Variants in PCDHB3 observed in about 807,000 individuals in gnomAD.
The protein encoded by PCDHB3 is protocadherin beta 3.
For synonymous variants in PCDHB3, 479 were observed against 456.0 expected (o/e 1.05, Z -0.64); for missense variants, 967 against 1,012.1 (o/e 0.96, Z 0.60).
chr5:141,102,122 G>A lies in PCDHB3; in HGVS notation c.1473G>A (p.Leu491=), dbSNP rs782198092. Residue 491 remains leucine, a synonymous_variant, in exon 1 of 1, where the codon CTG becomes CTA. Coordinates refer to ENST00000231130, the MANE Select transcript of PCDHB3 (RefSeq NM_018937.5). ...GTNAQVTYSL[L]PPQDPHLPLS... The stretch of plus-strand genomic sequence containing the variant: ...ACGCCCAGGTAACCTACTCGCTGCT[G>A]CCGCCCCAGGACCCGCACCTGCCCC... The A allele has an allele frequency of 6.2e-7, 1 of 1,612,894 alleles. No homozygotes were observed. The highest frequency in any genetic ancestry group is 8.5e-7 in the Non-Finnish European group (1 of 1,180,032).
rs1751930801 is a variant in PCDHB3, at chr5:141,101,213, A to G, written c.564A>G (p.Gly188=). The change falls in exon 1 of 1, where the codon GGA becomes GGG. Residue 188 remains glycine (G), a synonymous_variant. Coordinates refer to ENST00000231130, the MANE Select transcript of PCDHB3 (RefSeq NM_018937.5). ...FHVLTRSRRD[G]RKYPELVLDK... is the part of the protein sequence containing the mutation. ...TACTCACTCGCAGTCGTAGGGACGG[A>G]AGGAAGTACCCGGAACTAGTACTGG... 6.8e-6 allele frequency: 11 copies of G among 1,614,188 alleles called. No individual in the cohort carries two copies. Among genetic ancestry groups the G allele is most frequent in the South Asian group, 1.1e-5 (1 of 91,084 alleles).
In PCDHB3 at chr5:141,101,867, A is replaced by T; in HGVS notation, c.1218A>T (p.Glu406Asp). ...AGAATTTTTACACCCTAGTGTCAGA[A>T]GGCGCGCTGGACAGAGAGACCAGAT... ...SVENFYTLVSEGALDRETRSE... is the reference protein window; with the variant it reads ...SVENFYTLVSDGALDRETRSE... Residue 406 changes from glutamate (E) to aspartate (D), a missense_variant, in exon 1 of 1, where the codon GAA (glutamate) becomes GAT (aspartate). Coordinates refer to ENST00000231130, the MANE Select transcript of PCDHB3 (RefSeq NM_018937.5). The T allele has an allele frequency of 6.2e-7, 1 of 1,614,028 alleles. No homozygotes were observed. The highest frequency in any genetic ancestry group is 8.5e-7 in the Non-Finnish European group (1 of 1,180,002).
Position 141,103,119 on chromosome 5 carries a change from G to A in PCDHB3, c.*79G>A, listed in dbSNP as rs1554272751. ...TTTTACTGCTTTGTCCATTGGAGAG[G>A]TCTTTTTTGGTCTGGTTCAAGGCAA... On this transcript the variant is annotated 3_prime_UTR_variant, in exon 1 of 1. Transcript: ENST00000231130. 2 of 1,496,016 alleles carry A rather than the reference G, an allele frequency of 1.3e-6. No homozygotes were observed. Among genetic ancestry groups the A allele is most frequent in the African/African-American group, 2.8e-5 (2 of 71,228 alleles). The allele number at this position is 1,496,016 out of a possible 1,614,324, so 92.7% of individuals were successfully genotyped here.
In PCDHB3 at chr5:141,102,089, A is replaced by G. The variant is rs781886254; in HGVS notation, c.1440A>G (p.Ser480=). 74 of 1,612,758 alleles carry G rather than the reference A, an allele frequency of 4.6e-5. No homozygotes were observed. Among genetic ancestry groups the G allele is most frequent in the African/African-American group, 2.3e-4 (17 of 74,876 alleles). ...GTGTCAGCGCCACAGACAGAGACTC[A>G]GGCACCAACGCCCAGGTAACCTACT... ...IGSVSATDRD[S]GTNAQVTYSL... is the part of the protein sequence containing the mutation. Residue 480 remains serine (S), a synonymous_variant, in exon 1 of 1, where the codon TCA becomes TCG. Transcript: ENST00000231130.
At position 141,101,241 on chromosome 5, in the gene PCDHB3, A is replaced by G. The variant is rs1554272230; in HGVS notation, c.592A>G (p.Lys198Glu). 1 of 1,614,182 alleles carries G rather than the reference A, an allele frequency of 6.2e-7. No individual in the cohort carries two copies. The highest frequency in any genetic ancestry group is 1.3e-5 in the African/African-American group (1 of 75,056). Residue 198 changes from lysine to glutamate, a missense_variant, in exon 1 of 1, where the codon AAA (lysine) becomes GAA (glutamate). Physicochemically the swap from Lys to Glu is moderately conservative, Grantham distance 56. Coordinates refer to ENST00000231130, the MANE Select transcript of PCDHB3 (RefSeq NM_018937.5). ...GRKYPELVLD[K>E]ALDPEEQPEL... ...GAAGTACCCGGAACTAGTACTGGAT[A>G]AAGCGCTCGATCCGGAGGAGCAGCC...
chr5:141,103,072 A>T lies in PCDHB3; in HGVS notation c.*32A>T. 1.9e-6 allele frequency: 3 copies of T among 1,568,998 alleles called. No homozygotes were observed. The highest frequency in any genetic ancestry group is 2.6e-6 in the Non-Finnish European group (3 of 1,158,842). Reference sequence around the variant, plus strand: ...ATAAGGATCTACTGAGCCTCGTCTTAGTTAATCTGTGGAAAGTCCTTTTTT... The same window carrying T: ...ATAAGGATCTACTGAGCCTCGTCTTTGTTAATCTGTGGAAAGTCCTTTTTT... On this transcript the variant is annotated 3_prime_UTR_variant, in exon 1 of 1. Transcript: ENST00000231130.
At position 141,102,627 on chromosome 5, in the gene PCDHB3, G is replaced by T. The variant is rs1195410279; in HGVS notation, c.1978G>T (p.Val660Leu). 6.2e-7 allele frequency: 1 copy of T among 1,609,788 alleles called. No homozygotes were observed. The highest frequency in any genetic ancestry group is 8.5e-7 in the Non-Finnish European group (1 of 1,179,762). Residue 660 changes from valine to leucine, a missense_variant, in exon 1 of 1, where the codon GTG (valine) becomes TTG (leucine). Val to Leu is a conservative substitution (Grantham distance 32, BLOSUM62 1). Coordinates refer to ENST00000231130, the MANE Select transcript of PCDHB3 (RefSeq NM_018937.5). ...PPRSATATLH[V>L]LLVDGFSQPY... The stretch of plus-strand genomic sequence containing the variant: ...GCGCTCGGCCACCGCCACGCTGCAT[G>T]TGCTCCTGGTGGACGGCTTCTCCCA...
At position 141,102,202 on chromosome 5, in the gene PCDHB3, C is replaced by G; in HGVS notation, c.1553C>G (p.Ser518Trp). 6.2e-7 allele frequency: 1 copy of G among 1,612,828 alleles called. No individual in the cohort carries two copies. The highest frequency in any genetic ancestry group is 8.5e-7 in the Non-Finnish European group (1 of 1,179,902). The stretch of plus-strand genomic sequence containing the variant: ...AACGGCCACCTGTTTGCCCTCAGGT[C>G]GCTGGACTACGAGGCCCTGCAGGCG... ...ADNGHLFALR[S>W]LDYEALQAFE... Residue 518 changes from serine to tryptophan, a missense_variant, in exon 1 of 1, where the codon TCG (serine) becomes TGG (tryptophan). By Grantham distance (177) the Ser-to-Trp change is radical. Transcript: ENST00000231130.
chr5:141,101,806 A>G lies in PCDHB3; in HGVS notation c.1157A>G (p.Glu386Gly), dbSNP rs1554272363. ...AACGGAAGAGTGATGTGTTCCATTG[A>G]GAACAATCTCCCCTTCTTCCTGAAA... ...GDNGRVMCSI[E>G]NNLPFFLKPS... Residue 386 changes from glutamate to glycine, a missense_variant, in exon 1 of 1, where the codon GAG becomes GGG. By Grantham distance (98) the Glu-to-Gly change is moderately conservative. Transcript: ENST00000231130. 1 of 1,614,112 alleles carries G rather than the reference A, an allele frequency of 6.2e-7. No homozygotes were observed.
At position 141,101,258 on chromosome 5, in the gene PCDHB3, G is replaced by A. The variant is rs1554272236; in HGVS notation, c.609G>A (p.Glu203=). Residue 203 remains glutamate (E), a synonymous_variant, in exon 1 of 1, where the codon GAG becomes GAA. Coordinates refer to ENST00000231130, the MANE Select transcript of PCDHB3 (RefSeq NM_018937.5). The part of the protein sequence containing the change: ...ELVLDKALDP[E]EQPELSLTLT... ...TACTGGATAAAGCGCTCGATCCGGA[G>A]GAGCAGCCGGAACTCAGCTTAACGC... 6.2e-7 allele frequency: 1 copy of A among 1,614,182 alleles called. No individual in the cohort carries two copies. Among genetic ancestry groups the A allele is most frequent in the East Asian group, 2.2e-5 (1 of 44,884 alleles).
rs1751915821 is a variant in PCDHB3 at position 141,100,734 on chromosome 5, G to A, written c.85G>A (p.Glu29Lys). The change falls in exon 1 of 1, where the codon GAG (glutamate) becomes AAG (lysine). Residue 29 changes from glutamate (E) to lysine (K), a missense_variant. Coordinates refer to ENST00000231130, the MANE Select transcript of PCDHB3 (RefSeq NM_018937.5). ...TCTGGGAGGGTCTCTGGCTGGGTCC[G>A]AGTCAAGACGCTATTCTGTGGCTGA... is the stretch of plus-strand genomic sequence containing the variant. ...VFLGGSLAGS[E>K]SRRYSVAEEK... is the part of the protein sequence containing the mutation. The A allele has an allele frequency of 6.2e-7, 1 of 1,613,958 alleles. No homozygotes were observed. Among genetic ancestry groups the A allele is most frequent in the South Asian group, 1.1e-5 (1 of 91,082 alleles).
rs1554272706 is a variant in PCDHB3, at chr5:141,102,902, C to T, written c.2253C>T (p.Tyr751=). The T allele has an allele frequency of 5.6e-6, 9 of 1,613,386 alleles. No homozygotes were observed. Among genetic ancestry groups the T allele is most frequent in the African/African-American group, 1.3e-5 (1 of 74,884 alleles). The stretch of plus-strand genomic sequence containing the variant: ...GGACCCTGTCCCAGAGCTACCAGTA[C>T]GAGGTGTGTCTGACTGGAGGCTCCG... The part of the protein sequence containing the change: ...GTGTLSQSYQ[Y]EVCLTGGSGT... The change falls in exon 1 of 1, where the codon TAC becomes TAT. Residue 751 remains tyrosine (Y), a synonymous_variant. Coordinates refer to ENST00000231130, the MANE Select transcript of PCDHB3 (RefSeq NM_018937.5).
rs1013789620 is a variant in PCDHB3 at position 141,101,314 on chromosome 5, G to C, written c.665G>C (p.Arg222Pro). The change falls in exon 1 of 1, where the codon CGG becomes CCG. Residue 222 changes from arginine to proline, a missense_variant. Arg to Pro is a moderately radical substitution (Grantham distance 103). Coordinates refer to ENST00000231130, the MANE Select transcript of PCDHB3 (RefSeq NM_018937.5). ...LTALDGGSPP[R>P]SGTAQINIQV... is the part of the protein sequence containing the mutation. ...GCGCTGGACGGCGGCTCTCCCCCTCGGTCTGGGACAGCCCAGATAAACATC... is the reference window on the plus strand; with the variant it reads ...GCGCTGGACGGCGGCTCTCCCCCTCCGTCTGGGACAGCCCAGATAAACATC... 13 of 1,613,876 alleles carry C rather than the reference G, an allele frequency of 8.1e-6. No individual in the cohort carries two copies. Among genetic ancestry groups the C allele is most frequent in the East Asian group, 6.7e-5 (3 of 44,862 alleles).
At position 141,102,554 on chromosome 5, in the gene PCDHB3, G is replaced by C; in HGVS notation, c.1905G>C (p.Ala635=). 2 of 1,608,140 alleles carry C rather than the reference G, an allele frequency of 1.2e-6. No individual in the cohort carries two copies. The highest frequency in any genetic ancestry group is 1.7e-6 in the Non-Finnish European group (2 of 1,179,474). ...CCAGGCTGCTGAGCGAGCGCGACGC[G>C]GCCAAGCACAGGCTGGTGGTGCTGG... is the stretch of plus-strand genomic sequence containing the variant. ...RTARLLSERD[A]AKHRLVVLVK... Residue 635 remains alanine, a synonymous_variant, in exon 1 of 1, where the codon GCG becomes GCC. Transcript: ENST00000231130.
In PCDHB3 at chr5:141,100,703, T is replaced by G. The variant is rs782776452; in HGVS notation, c.54T>G (p.Phe18Leu). 7 of 1,613,018 alleles carry G rather than the reference T, an allele frequency of 4.3e-6. No individual in the cohort carries two copies. In the Admixed American group the frequency reaches 5.0e-5, roughly 12 times the overall value. The change falls in exon 1 of 1, where the codon TTT (phenylalanine) becomes TTG (leucine). Residue 18 changes from phenylalanine to leucine, a missense_variant. Transcript: ENST00000231130. ...FLRQRQVLLLFVFLGGSLAGS... is the reference protein window; with the variant it reads ...FLRQRQVLLLLVFLGGSLAGS... ...GACAAAGGCAAGTCTTGCTTCTCTTTGTTTTTCTGGGAGGGTCTCTGGCTG... is the reference window on the plus strand; with the variant it reads ...GACAAAGGCAAGTCTTGCTTCTCTTGGTTTTTCTGGGAGGGTCTCTGGCTG...
Position 141,102,096 on chromosome 5 carries a change from A to G in PCDHB3, c.1447A>G (p.Asn483Asp). ...VSATDRDSGT[N>D]AQVTYSLLPP... is the part of the protein sequence containing the mutation. ...CGCCACAGACAGAGACTCAGGCACC[A>G]ACGCCCAGGTAACCTACTCGCTGCT... is the stretch of plus-strand genomic sequence containing the variant. The change falls in exon 1 of 1, where the codon AAC (asparagine) becomes GAC (aspartate). Residue 483 changes from asparagine (N) to aspartate (D), a missense_variant. Transcript: ENST00000231130. The G allele has an allele frequency of 1.2e-6, 2 of 1,612,896 alleles. No homozygotes were observed. The highest frequency in any genetic ancestry group is 1.1e-5 in the South Asian group (1 of 91,022).
rs782319267 is a variant in PCDHB3 at position 141,101,498 on chromosome 5, TGCTTCTGAAGAAATTC to T, written c.852_867del (p.Ser285LysfsTer5). 3.7e-6 allele frequency: 6 copies of T among 1,614,102 alleles called. No homozygotes were observed. In the African/African-American group the frequency reaches 8.0e-5, roughly 22 times the overall value. ...GGACAATATCATATGCATTTTTTCA[TGCTTCTGAAGAAATTC>T]GCAAAACTTTTCAGCTAAATCCAAT... On this transcript the variant is annotated frameshift_variant, in exon 1 of 1. Coordinates refer to ENST00000231130, the MANE Select transcript of PCDHB3 (RefSeq NM_018937.5). LOFTEE classifies it low-confidence loss of function (END_TRUNC).
chr5:141,102,555 G>T lies in PCDHB3; in HGVS notation c.1906G>T (p.Ala636Ser). ...TARLLSERDA[A>S]KHRLVVLVKD... ...CAGGCTGCTGAGCGAGCGCGACGCG[G>T]CCAAGCACAGGCTGGTGGTGCTGGT... Residue 636 changes from alanine to serine, a missense_variant, in exon 1 of 1, where the codon GCC becomes TCC. Coordinates refer to ENST00000231130, the MANE Select transcript of PCDHB3 (RefSeq NM_018937.5). 1 of 1,608,662 alleles carries T rather than the reference G, an allele frequency of 6.2e-7. No individual in the cohort carries two copies. Among genetic ancestry groups the T allele is most frequent in the Non-Finnish European group, 8.5e-7 (1 of 1,179,660 alleles).
chr5:141,100,768 A>C lies in PCDHB3; in HGVS notation c.119A>C (p.Glu40Ala), dbSNP rs1751916762. ...CGCTATTCTGTGGCTGAGGAAAAAG[A>C]GAAGGGCTTTTTAATAGCCAACCTA... The part of the protein sequence containing the change: ...SRRYSVAEEK[E>A]KGFLIANLAK... Residue 40 changes from glutamate (E) to alanine (A), a missense_variant, in exon 1 of 1, where the codon GAG (glutamate) becomes GCG (alanine). Coordinates refer to ENST00000231130, the MANE Select transcript of PCDHB3 (RefSeq NM_018937.5). 6.2e-7 allele frequency: 1 copy of C among 1,614,004 alleles called. No homozygotes were observed.
Sources: allele counts gnomAD v4.1 joint callset, GRCh38; gene constraint gnomAD v4.1.1; transcripts MANE v1.5; gene names NCBI Gene and HGNC (gene_info 2026-07-23, HGNC 2026-07-21).